WWOX: variants seen among roughly 807,000 people sequenced by gnomAD.
The protein encoded by WWOX is WW domain-containing oxidoreductase.
A neutral mutation model predicts 46.2 loss-of-function variants in WWOX; 69 were observed. That is an observed-to-expected ratio of 1.49 (90% CI 1.23 to 1.82). The LOEUF (loss-of-function observed/expected upper bound fraction) is 1.82. WWOX is among the 40% of genes most tolerant of loss of function. WWOX has a pLI of 0.00. For missense variants in WWOX, 919 were observed against 542.6 expected, an observed-to-expected ratio of 1.69 and a Z score of -6.89; for synonymous variants, 359 against 202.6, an observed-to-expected ratio of 1.77 and a Z score of -6.56.
intron 8 of WWOX, among the ~76,000 whole-genome samples, chr16:78,764,595 G>T (rs562588275): frequency 7.1e-6 from 1 of 141,562 alleles, no homozygotes; most frequent in South Asian, 2.8e-4. Flanking sequence ...GCCGTGCCCC[G>T]GGTGGGTTTG....
chr16:78,563,515 ACG>A (rs1301842106), intron 8 of WWOX, among the ~76,000 whole-genome samples: 7 of 91,236 alleles, frequency 7.7e-5, no homozygotes, highest in African/African-American at 6.4e-5. Flanking sequence ...ACACACACAC[ACG>A]CTTTTTTTTT....
At chr16:78,592,917 C>G (rs2045384955) in intron 8 of WWOX, among the ~76,000 whole-genome samples, 1 of 152,144 alleles carries the variant, frequency 6.6e-6, no homozygotes, top group African/African-American at 2.4e-5. Flanking sequence ...AACTTCTTCC[C>G]TTTTGAAGAG....
intron 6 of WWOX, among the ~76,000 whole-genome samples, chr16:78,393,399 T>G (rs1228184846): frequency 2.6e-5 from 4 of 152,198 alleles, no homozygotes; most frequent in African/African-American, 4.8e-5. Context: ...GGTTCATGCC[T>G]ATAATCCCAG....
chr16:79,097,263 C>T (rs140533568), intron 8 of WWOX, among the ~76,000 whole-genome samples: 377 of 152,146 alleles, frequency 2.5e-3, no homozygotes, highest in Middle Eastern at 0.024. Flanking sequence ...GGCCCTCATG[C>T]CTAGCTGTTT....
At chr16:78,108,257 C>G (rs1445811798) in intron 1 of WWOX, among the ~76,000 whole-genome samples, 166 bp from the exon 2 acceptor site, 1 of 151,038 alleles carries the variant, frequency 6.6e-6, no homozygotes, top group Non-Finnish European at 1.5e-5. Context: ...TTCAGCAAAC[C>G]TCCTAAAGTT....
At chr16:79,187,120 G>C (rs1165512707) in intron 8 of WWOX, among the ~76,000 whole-genome samples, 1 of 152,126 alleles carries the variant, frequency 6.6e-6, no homozygotes, top group Non-Finnish European at 1.5e-5. Flanking sequence ...ACACTGAGCC[G>C]AACCCCCTGG....
chr16:78,530,841 A>G (rs1363330239), intron 8 of WWOX, among the ~76,000 whole-genome samples: 1 of 152,188 alleles, frequency 6.6e-6, no homozygotes, highest in Non-Finnish European at 1.5e-5. Flanking sequence ...AATTTTTAAC[A>G]TTGATTGAGT....
At chr16:78,413,476 C>T (rs1413412776) in intron 6 of WWOX, among the ~76,000 whole-genome samples, 1 of 152,158 alleles carries the variant, frequency 6.6e-6, no homozygotes, top group Non-Finnish European at 1.5e-5. Flanking sequence ...TCACAAAGTA[C>T]ATTCTCAAGG....
rs531622179 is a variant in WWOX at position 79,168,841 on chromosome 16, C to T, written c.1057-42767C>T. On this transcript the variant is annotated intron_variant, in intron 8 of 8. Coordinates refer to ENST00000566780, the MANE Select transcript of WWOX (RefSeq NM_016373.4). Reference sequence around the variant, plus strand: ...CCAGAATTCACTCTCTCCACACCTCCATCAGCTGTGGCCTCGAGTTCCTTA... The same window carrying T: ...CCAGAATTCACTCTCTCCACACCTCTATCAGCTGTGGCCTCGAGTTCCTTA... Among the ~76,000 whole-genome samples the T allele has an allele frequency of 8.5e-5, 13 of 152,304 alleles. No homozygotes were observed. In the East Asian group the frequency reaches 1.7e-3, roughly 20 times the overall value.
At chr16:78,309,699 C>A (rs1337161365) in intron 5 of WWOX, among the ~76,000 whole-genome samples, 1 of 152,154 alleles carries the variant, frequency 6.6e-6, no homozygotes, top group African/African-American at 2.4e-5. Context: ...TTTAGAGTTT[C>A]ACTCTTTCAA....
At chr16:79,085,079 C>T (rs2048829925) in intron 8 of WWOX, among the ~76,000 whole-genome samples, 2 of 152,126 alleles carry the variant, frequency 1.3e-5, no homozygotes, top group Non-Finnish European at 2.9e-5. Context: ...GCATGAGTCG[C>T]CACACTCAAT....
At chr16:79,089,601 A>G (rs1258982764) in intron 8 of WWOX, among the ~76,000 whole-genome samples, 3 of 152,172 alleles carry the variant, frequency 2.0e-5, no homozygotes, top group Non-Finnish European at 4.4e-5. Context: ...ACGTGCTGGG[A>G]TTACAGGCAT....
chr16:78,191,478 T>C (rs935463976), intron 5 of WWOX, among the ~76,000 whole-genome samples: 6 of 152,216 alleles, frequency 3.9e-5, no homozygotes, highest in Non-Finnish European at 5.9e-5. Context: ...AATATATCAA[T>C]GTATGGTCCC....
chr16:78,517,875 T>C (rs2043271615), intron 8 of WWOX, among the ~76,000 whole-genome samples: 1 of 150,562 alleles, frequency 6.6e-6, no homozygotes, highest in South Asian at 2.1e-4. Context: ...TTTTTTTTTT[T>C]TTTTACTCTG....
intron 4 of WWOX, among the ~76,000 whole-genome samples, chr16:78,132,788 G>A (rs573947328): frequency 6.6e-6 from 1 of 152,300 alleles, no homozygotes; most frequent in Admixed American, 6.5e-5. Context: ...TGCTGATGGT[G>A]TAGCTGAGCT....
intron 6 of WWOX, among the ~76,000 whole-genome samples, chr16:78,408,705 G>A (rs2082605117): frequency 6.6e-6 from 1 of 152,180 alleles, no homozygotes; most frequent in South Asian, 2.1e-4. Context: ...AAGAAGTTTT[G>A]AAGAGGGAGA....
chr16:78,695,120 C>G (rs755234952), intron 8 of WWOX, among the ~76,000 whole-genome samples: 1 of 152,154 alleles, frequency 6.6e-6, no homozygotes, highest in Non-Finnish European at 1.5e-5. Flanking sequence ...CGTGGGATTA[C>G]AGGCACAAAG....
At position 79,100,701 on chromosome 16, in the gene WWOX, G is replaced by GGA. The variant is rs2049174313; in HGVS notation, c.1057-110906_1057-110905insAG. Among the ~76,000 whole-genome samples, 5 of 152,202 alleles carry GGA rather than the reference G, an allele frequency of 3.3e-5. No homozygotes were observed. The South Asian group carries it at 1.0e-3, about 32-fold the overall frequency. ...CCTAGCTAAGCACTCAGCCTAAGGG[G>GGA]GTGCTTCAGCACCTTGGCGTCACCA... On this transcript the variant is annotated intron_variant, in intron 8 of 8. Transcript: ENST00000566780.
intron 5 of WWOX, among the ~76,000 whole-genome samples, chr16:78,318,903 A>G (rs2080409512): frequency 6.6e-6 from 1 of 152,176 alleles, no homozygotes; most frequent in South Asian, 2.1e-4. Context: ...GGTAGGTAAA[A>G]TAATGGCCCT....
Sources: gnomAD v4.1 joint callset for allele counts (sites outside exome capture counted in the v4.1 genomes callset) on GRCh38, gnomAD v4.1.1 for gene constraint, MANE v1.5 for transcripts, NCBI Gene and HGNC (gene_info 2026-07-23, HGNC 2026-07-21) for gene names.